Variants in SPAG16 observed in about 807,000 individuals in gnomAD.
SPAG16 encodes the protein sperm-associated antigen 16 protein.
In SPAG16, 86 loss-of-function variants were observed where a neutral mutation model predicts 80.4. That is an observed-to-expected ratio of 1.07 (90% CI 0.90 to 1.28). The LOEUF (loss-of-function observed/expected upper bound fraction) is 1.28, where lower values mean the gene tolerates loss of function less well. Among genes scored for constraint, SPAG16 ranks in the 50% most tolerant of loss-of-function variants. The pLI is 0.00. For missense variants in SPAG16, 870 were observed against 765.3 expected (o/e 1.14, Z -1.61); for synonymous variants, 294 against 265.9 (o/e 1.11, Z -1.03).
chr2:214,237,042 G>A (rs1334883639), intron 15 of SPAG16, among the ~76,000 whole-genome samples: 1 of 152,060 alleles, frequency 6.6e-6, no homozygotes, highest in African/African-American at 2.4e-5. Flanking sequence ...AAGGACAGGT[G>A]GAATATTATT....
intron 10 of SPAG16, among the ~76,000 whole-genome samples, chr2:213,796,962 G>A (rs1305921266): frequency 6.6e-6 from 1 of 151,920 alleles, no homozygotes; most frequent in Non-Finnish European, 1.5e-5. Context: ...AGATGTGGAT[G>A]TGGAAGAAAG....
chr2:214,249,229 C>G (rs1027226653), intron 15 of SPAG16, among the ~76,000 whole-genome samples: 1 of 152,106 alleles, frequency 6.6e-6, no homozygotes, highest in Non-Finnish European at 1.5e-5. Flanking sequence ...CAATCAAGTA[C>G]CAGATAAAGG....
At chr2:213,438,242 T>G (rs149222209) in intron 9 of SPAG16, among the ~76,000 whole-genome samples, 1 of 152,232 alleles carries the variant, frequency 6.6e-6, no homozygotes, top group Admixed American at 6.5e-5. Flanking sequence ...TATTAATAGC[T>G]CTGCCAAATA....
chr2:213,929,391 G>A (rs1419365672), intron 11 of SPAG16, among the ~76,000 whole-genome samples: 2 of 152,038 alleles, frequency 1.3e-5, no homozygotes, highest in Admixed American at 6.6e-5. Context: ...ACTGATTACC[G>A]AAATGCAAAA....
intron 7 of SPAG16, among the ~76,000 whole-genome samples, chr2:213,357,180 A>G (rs1334674335): frequency 6.9e-4 from 105 of 152,110 alleles, no homozygotes; most frequent in African/African-American, 2.4e-3. Context: ...TTCCAATTAT[A>G]TGGTCAATTT....
At chr2:213,622,690 C>T (rs1317352710) in intron 10 of SPAG16, among the ~76,000 whole-genome samples, 2 of 152,170 alleles carry the variant, frequency 1.3e-5, no homozygotes, top group Non-Finnish European at 2.9e-5. Context: ...ATTAGACTGT[C>T]ACCATATTAA....
chr2:214,318,151 G>C (rs886455326), intron 15 of SPAG16, among the ~76,000 whole-genome samples: 13 of 152,092 alleles, frequency 8.5e-5, no homozygotes, highest in Non-Finnish European at 1.2e-4. Flanking sequence ...AAATCTGGAA[G>C]CGTCTGTTGC....
chr2:213,308,073 G>A (rs2063027710), intron 3 of SPAG16, among the ~76,000 whole-genome samples: 1 of 152,108 alleles, frequency 6.6e-6, no homozygotes, highest in African/African-American at 2.4e-5. Flanking sequence ...CAAATAGTCA[G>A]CAAACAAATT....
chr2:214,009,270 T>C (rs896851007), intron 12 of SPAG16, among the ~76,000 whole-genome samples: 13 of 152,076 alleles, frequency 8.5e-5, no homozygotes, highest in African/African-American at 2.9e-4. Context: ...AAGCCCAGAC[T>C]TTTCTCGCTG....
chr2:213,843,113 C>A (rs548578709), intron 10 of SPAG16, among the ~76,000 whole-genome samples: 9 of 145,144 alleles, frequency 6.2e-5, no homozygotes, highest in African/African-American at 2.0e-4. Context: ...TTGTAGACAT[C>A]TTTTTTTTTT....
intron 10 of SPAG16, among the ~76,000 whole-genome samples, chr2:213,581,842 A>T (rs186562447): frequency 9.8e-5 from 15 of 152,294 alleles, no homozygotes; most frequent in African/African-American, 3.4e-4. Context: ...GATTTATAAG[A>T]TGTGAATCAA....
chr2:213,627,669 A>G (rs186649090), intron 10 of SPAG16, among the ~76,000 whole-genome samples: 102 of 152,372 alleles, frequency 6.7e-4, no homozygotes, highest in Middle Eastern at 3.4e-3. Flanking sequence ...GGAACTCAAC[A>G]ATTGACTGTT....
intron 10 of SPAG16, among the ~76,000 whole-genome samples, chr2:213,552,798 T>C (rs1427656682): frequency 6.6e-6 from 1 of 152,106 alleles, no homozygotes; most frequent in Non-Finnish European, 1.5e-5. Flanking sequence ...CTAGCGTGGC[T>C]AGGATGAAAG....
At chr2:213,774,297 G>A (rs1247925010) in intron 10 of SPAG16, among the ~76,000 whole-genome samples, 1 of 152,194 alleles carries the variant, frequency 6.6e-6, no homozygotes, top group Non-Finnish European at 1.5e-5. Flanking sequence ...GGTGTTGACA[G>A]GGACATAATC....
chr2:213,749,079 G>T (rs1236046101), intron 10 of SPAG16, among the ~76,000 whole-genome samples: 1 of 152,042 alleles, frequency 6.6e-6, no homozygotes, highest in African/African-American at 2.4e-5. Context: ...CCCGGGAGGC[G>T]GAGGTTGCAG....
At chr2:214,124,298 A>C (rs2054365856) in intron 14 of SPAG16, among the ~76,000 whole-genome samples, 1 of 150,356 alleles carries the variant, frequency 6.7e-6, no homozygotes, top group Non-Finnish European at 1.5e-5. Flanking sequence ...TGATCAGGAT[A>C]TTTGACCACT....
At chr2:213,960,504 T>A (rs1286942270) in intron 12 of SPAG16, among the ~76,000 whole-genome samples, 3 of 152,184 alleles carry the variant, frequency 2.0e-5, no homozygotes, top group Non-Finnish European at 4.4e-5. Context: ...ACTCTGGCAA[T>A]CAGATTTTTC....
chr2:213,902,467 A>G (rs1464395925), intron 11 of SPAG16, among the ~76,000 whole-genome samples: 1 of 152,208 alleles, frequency 6.6e-6, no homozygotes, highest in African/African-American at 2.4e-5. Context: ...AAGGTGCCAA[A>G]GCAGAAACCC....
intron 10 of SPAG16, among the ~76,000 whole-genome samples, chr2:213,580,075 G>A (rs2060253212): frequency 6.6e-6 from 1 of 151,946 alleles, no homozygotes; most frequent in Admixed American, 6.6e-5. Flanking sequence ...CCTGAAGCAA[G>A]CTTTAAAATC....
Sources: gnomAD v4.1 joint callset for allele counts (sites outside exome capture counted in the v4.1 genomes callset) on GRCh38, gnomAD v4.1.1 for gene constraint, MANE v1.5 for transcripts, NCBI Gene and HGNC (gene_info 2026-07-23, HGNC 2026-07-21) for gene names.